Variants in RHOQ observed in about 807,000 individuals in gnomAD.
RHOQ encodes ras homolog family member Q, also known as rho-related GTP-binding protein RhoQ.
Under a neutral mutation model 25.8 loss-of-function variants are expected in RHOQ, and 7 were observed. The observed-to-expected ratio is 0.27, with a 90% CI of 0.15 to 0.51. RHOQ has a LOEUF of 0.51. Ranked by LOEUF, RHOQ falls within the 20% of genes least tolerant of loss-of-function variation. RHOQ has a pLI of 0.97. For missense variants in RHOQ, 165 were observed against 260.6 expected (o/e 0.63, Z 2.53); for synonymous variants, 97 against 98.6 (o/e 0.98, Z 0.10).
chr2:46,558,547 C>T (rs1668472732), intron 2 of RHOQ, among the ~76,000 whole-genome samples: 1 of 152,160 alleles, frequency 6.6e-6, no homozygotes, highest in Non-Finnish European at 1.5e-5. Context: ...TGTCAGGAAC[C>T]CATTTTTCCT....
At chr2:46,550,495 A>G (rs1210119121) in intron 2 of RHOQ, among the ~76,000 whole-genome samples, 3 of 152,144 alleles carry the variant, frequency 2.0e-5, no homozygotes, top group Non-Finnish European at 2.9e-5. Flanking sequence ...CTGTCCCCCA[A>G]CACTCTGTCT....
At position 46,551,948 on chromosome 2, in the gene RHOQ, G is replaced by A. The variant is rs144280754; in HGVS notation, c.201+8136G>A. Among the ~76,000 whole-genome samples the A allele has an allele frequency of 5.5e-4, 83 of 152,240 alleles. No individual in the cohort carries two copies. In the East Asian group the frequency reaches 0.013, roughly 24 times the overall value. On this transcript the variant is annotated intron_variant, in intron 2 of 4. Coordinates refer to ENST00000238738, the MANE Select transcript of RHOQ (RefSeq NM_012249.4). ...TTAAATGACTCGCTCCAGGCCACAC[G>A]GTTGGTAAAAGGCAAAGCCGAGATC...
At chr2:46,575,967 C>T (rs918461454) in intron 2 of RHOQ, 120 bp from the exon 3 acceptor site, 9 of 696,068 alleles carry the variant, frequency 1.3e-5, no homozygotes, top group African/African-American at 1.8e-5. Flanking sequence ...CTTAGAGTGC[C>T]ATACATTCCA....
In RHOQ at chr2:46,566,891, C is replaced by G. The variant is rs1668752346; in HGVS notation, c.202-9196C>G. ...TGAAACTCATCTTCCTGGTTATTCT[C>G]TCTCCCAGAACCTGGCTCTTTTCCT... On this transcript the variant is annotated intron_variant, in intron 2 of 4. Coordinates refer to ENST00000238738, the MANE Select transcript of RHOQ (RefSeq NM_012249.4). The surrounding 1 kb of genome is among the most constrained non-coding windows in gnomAD (Gnocchi z 4.2). 6.6e-6 allele frequency among the ~76,000 whole-genome samples: 1 copy of G among 152,220 alleles called. No homozygotes were observed. The highest frequency in any genetic ancestry group is 1.5e-5 in the Non-Finnish European group (1 of 68,040).
At position 46,576,642 on chromosome 2, in the gene RHOQ, A is replaced by G; in HGVS notation, c.448A>G (p.Lys150Glu). The change falls in exon 4 of 5, where the codon AAA becomes GAA. Residue 150 changes from lysine (K) to glutamate (E), a missense_variant. Coordinates refer to ENST00000238738, the MANE Select transcript of RHOQ (RefSeq NM_012249.4). The surrounding 1 kb of genome is among the most constrained non-coding windows in gnomAD (Gnocchi z 5.1). ...ACCTATATGTGTGGAACAAGGACAG[A>G]AACTAGCAAAAGAGGTAATGGAACA... ...EKPICVEQGQ[K>E]LAKEIGACCY... The G allele has an allele frequency of 6.3e-7, 1 of 1,594,438 alleles. No homozygotes were observed. Among genetic ancestry groups the G allele is most frequent in the South Asian group, 1.1e-5 (1 of 88,518 alleles).
chr2:46,543,042 G>A lies in RHOQ; in HGVS notation c.-5G>A. 1 of 1,584,240 alleles carries A rather than the reference G, an allele frequency of 6.3e-7. No homozygotes were observed. The highest frequency in any genetic ancestry group is 8.6e-7 in the Non-Finnish European group (1 of 1,168,040). ...GACCATGCCCGGAGGCCGGCCGGCA[G>A]CAGCATGGCTCACGGGCCCGGCGCG... is the stretch of plus-strand genomic sequence containing the variant. On this transcript the variant is annotated 5_prime_UTR_variant, in exon 1 of 5. Coordinates refer to ENST00000238738, the MANE Select transcript of RHOQ (RefSeq NM_012249.4).
At position 46,581,164 on chromosome 2, in the gene RHOQ, A is replaced by G. The variant is rs149232659; in HGVS notation, c.*81A>G. Reference sequence around the variant, plus strand: ...TGCTACAGCTATACCCAGACCTTTTATAGGTAATGAAGCAGTTCAAAACTT... The same window carrying G: ...TGCTACAGCTATACCCAGACCTTTTGTAGGTAATGAAGCAGTTCAAAACTT... On this transcript the variant is annotated 3_prime_UTR_variant, in exon 5 of 5. Transcript: ENST00000238738. The G allele has an allele frequency of 1.7e-3, 2,027 of 1,180,902 alleles. 12 individuals are homozygous for G. In the African/African-American group the frequency reaches 0.024, roughly 14 times the overall value. 73.2% of individuals were successfully genotyped at this position (1,180,902 alleles called of 1,614,324 possible).
chr2:46,581,299 T>G lies in RHOQ; in HGVS notation c.*216T>G. On this transcript the variant is annotated 3_prime_UTR_variant, in exon 5 of 5. Transcript: ENST00000238738. The stretch of plus-strand genomic sequence containing the variant: ...TGAAGCCACAATCTATTATAAATAC[T>G]TTATTTCAACTAGAAGGTACAATCT... The G allele has an allele frequency of 2.0e-6, 2 of 1,002,244 alleles. No homozygotes were observed. The highest frequency in any genetic ancestry group is 3.3e-5 in the African/African-American group (2 of 61,520). 62.1% of individuals were successfully genotyped at this position (1,002,244 alleles called of 1,614,324 possible). A position where few individuals can be genotyped will look rare whatever the true frequency, so the allele number is the denominator to read the frequency against.
At chr2:46,563,685 G>C (rs1164978584) in intron 2 of RHOQ, among the ~76,000 whole-genome samples, 1 of 152,110 alleles carries the variant, frequency 6.6e-6, no homozygotes, top group Admixed American at 6.6e-5. Flanking sequence ...AATTCTGCAA[G>C]AATTTTCTGA....
At chr2:46,543,713 A>G in intron 1 of RHOQ, 41 bp from the exon 2 acceptor site, 2 of 1,591,734 alleles carry the variant, frequency 1.3e-6, no homozygotes, top group Non-Finnish European at 1.7e-6. Flanking sequence ...AGCCCAGGTC[A>G]CTGTGAGCTT....
At chr2:46,579,605 C>A (rs1669269350) in intron 4 of RHOQ, among the ~76,000 whole-genome samples, 1 of 152,138 alleles carries the variant, frequency 6.6e-6, no homozygotes. Context: ...AATCCCAGCA[C>A]TTTGGGAGCC....
intron 2 of RHOQ, among the ~76,000 whole-genome samples, chr2:46,575,714 CAT>C (rs1669099038): frequency 6.6e-6 from 1 of 152,070 alleles, no homozygotes; most frequent in African/African-American, 2.4e-5. Flanking sequence ...GTGCCTGACA[CAT>C]AGTAAATATT....
intron 2 of RHOQ, among the ~76,000 whole-genome samples, chr2:46,554,789 CTT>C (rs11438549): frequency 2.2e-5 from 3 of 138,736 alleles, no homozygotes; most frequent in African/African-American, 2.7e-5. Flanking sequence ...TTCTTTCTTT[CTT>C]TTTTTTTTTT....
intron 2 of RHOQ, among the ~76,000 whole-genome samples, chr2:46,557,573 C>A (rs910541319): frequency 6.6e-6 from 1 of 151,372 alleles, no homozygotes; most frequent in Admixed American, 6.6e-5. Flanking sequence ...TAGGTGGTGA[C>A]CATGAATAAT....
At chr2:46,549,356 G>T (rs1208017437) in intron 2 of RHOQ, among the ~76,000 whole-genome samples, 2 of 152,350 alleles carry the variant, frequency 1.3e-5, no homozygotes, top group Admixed American at 6.5e-5. Flanking sequence ...GCCCCATGGA[G>T]AATTGGGCTT....
intron 2 of RHOQ, among the ~76,000 whole-genome samples, chr2:46,546,286 T>C (rs925655972): frequency 2.0e-5 from 3 of 151,408 alleles, no homozygotes; most frequent in African/African-American, 7.3e-5. Context: ...ATGTGTTACA[T>C]AGGAGATCTC....
intron 2 of RHOQ, chr2:46,560,381 C>T (rs190435856): frequency 3.6e-5 from 11 of 309,446 alleles, no homozygotes; most frequent in Middle Eastern, 7.3e-4. Context: ...TAAATGCATA[C>T]GTTCAGTTGG....
In RHOQ at chr2:46,581,817, G is replaced by A. The variant is rs1669390640; in HGVS notation, c.*734G>A. ...CTTCTGGCAATTGTAGATTTAGTTT[G>A]ACGCTCCCCAAAGTGCATGAGACAC... On this transcript the variant is annotated 3_prime_UTR_variant, in exon 5 of 5. Transcript: ENST00000238738. The A allele has an allele frequency of 3.7e-5, 18 of 490,302 alleles. No individual in the cohort carries two copies. The South Asian group carries it at 5.0e-4, about 14-fold the overall frequency. The allele number at this position is 490,302 out of a possible 1,614,324, so 30.4% of individuals were successfully genotyped here. A position where few individuals can be genotyped will look rare whatever the true frequency, so the allele number is the denominator to read the frequency against.
chr2:46,570,007 A>C (rs1005420607), intron 2 of RHOQ, among the ~76,000 whole-genome samples: 13 of 152,278 alleles, frequency 8.5e-5, no homozygotes, highest in Admixed American at 2.0e-4. Context: ...AACCAAACTT[A>C]CCAAAGTGTT....
Sources: allele counts gnomAD v4.1 joint callset (sites outside exome capture counted in the v4.1 genomes callset), GRCh38; gene constraint gnomAD v4.1.1; non-coding constraint Gnocchi (gnomAD v3.1); transcripts MANE v1.5; gene names NCBI Gene and HGNC (gene_info 2026-07-23, HGNC 2026-07-21).